PTPN3: variants seen among roughly 807,000 people sequenced by gnomAD.
PTPN3 encodes the protein tyrosine-protein phosphatase non-receptor type 3.
Under a neutral mutation model 132.7 loss-of-function variants are expected in PTPN3, and 96 were observed. That is an observed-to-expected ratio of 0.72 (90% CI 0.61 to 0.86). The LOEUF (loss-of-function observed/expected upper bound fraction) is 0.86, where lower values mean the gene tolerates loss of function less well. Ranked by LOEUF, PTPN3 falls within the 40% of genes least tolerant of loss-of-function variation. PTPN3 has a pLI of 0.00. For missense variants in PTPN3, 1,125 were observed against 1,159.6 expected (o/e 0.97, Z 0.43); for synonymous variants, 398 against 429.0 (o/e 0.93, Z 0.89).
intron 1 of PTPN3, among the ~76,000 whole-genome samples, chr9:109,492,393 C>T (rs1847502363): frequency 6.6e-6 from 1 of 152,212 alleles, no homozygotes; most frequent in Non-Finnish European, 1.5e-5. Context: ...CCCTTCAGTC[C>T]TGAGAACCGG....
intron 19 of PTPN3, 112 bp from the exon 20 acceptor site, chr9:109,391,673 G>T: frequency 1.2e-6 from 1 of 812,882 alleles, no homozygotes; most frequent in Non-Finnish European, 1.9e-6. Flanking sequence ...AAGTGATTAT[G>T]TGTTATATAC....
chr9:109,479,877 G>A (rs1046218434), intron 1 of PTPN3, among the ~76,000 whole-genome samples: 30 of 152,178 alleles, frequency 2.0e-4, no homozygotes, highest in African/African-American at 6.5e-4. Context: ...GCCCTATTAT[G>A]TACAGCTTTT....
chr9:109,405,280 G>A (rs1318758903), intron 18 of PTPN3, among the ~76,000 whole-genome samples: 1 of 152,176 alleles, frequency 6.6e-6, no homozygotes, highest in East Asian at 1.9e-4. Flanking sequence ...AAGGCCTCAC[G>A]GAGGAGGTGG....
intron 10 of PTPN3, 58 bp downstream of exon 10, chr9:109,433,015 T>C: frequency 6.3e-7 from 1 of 1,597,336 alleles, no homozygotes; most frequent in Non-Finnish European, 8.5e-7. Context: ...AACATTACTT[T>C]TGTTAGGCAT....
At chr9:109,480,630 CTA>C (rs1846912031) in intron 1 of PTPN3, among the ~76,000 whole-genome samples, 1 of 152,156 alleles carries the variant, frequency 6.6e-6, no homozygotes, top group African/African-American at 2.4e-5. Flanking sequence ...AGGTTTACCC[CTA>C]TGTTTTCTTC....
intron 1 of PTPN3, among the ~76,000 whole-genome samples, chr9:109,471,198 A>T (rs1846363799): frequency 6.6e-6 from 1 of 152,270 alleles, no homozygotes; most frequent in South Asian, 2.1e-4. Flanking sequence ...CTGGGGCTAC[A>T]GGCCTGTGCC....
At position 109,381,692 on chromosome 9, in the gene PTPN3, C is replaced by T. The variant is rs554596041; in HGVS notation, c.2624G>A (p.Arg875Gln). The T allele has an allele frequency of 5.2e-5, 84 of 1,614,174 alleles. No individual in the cohort carries two copies. Among genetic ancestry groups the T allele is most frequent in the African/African-American group, 5.1e-4 (38 of 75,054 alleles). The change falls in exon 25 of 26, where the codon CGA becomes CAA. Residue 875 changes from arginine (R) to glutamine (Q), a missense_variant. Physicochemically the swap from Arg to Gln is conservative, Grantham distance 43. Transcript: ENST00000374541. Reference protein sequence around the residue: ...NLPIYPLDIVRKMRDQRAMMV... With the variant: ...NLPIYPLDIVQKMRDQRAMMV... ...CATGGCGCGCTGGTCTCGCATTTTT[C>T]GGACAATATCCAGTGGGTAAATGGG...
chr9:109,470,176 G>A (rs117376320), intron 1 of PTPN3, among the ~76,000 whole-genome samples: 130 of 152,120 alleles, frequency 8.5e-4, no homozygotes, highest in Non-Finnish European at 1.6e-3. Flanking sequence ...TGCACTTCTC[G>A]TCAAATGCCA....
At chr9:109,403,829 G>A (rs897466403) in intron 19 of PTPN3, among the ~76,000 whole-genome samples, 2 of 152,200 alleles carry the variant, frequency 1.3e-5, no homozygotes, top group Non-Finnish European at 2.9e-5. Context: ...AAAAATGTCT[G>A]TGTGTACCTT....
At chr9:109,527,345 C>T in the PTPN3 span, among the ~76,000 whole-genome samples, 24 of 152,288 alleles carry the variant, frequency 1.6e-4, no homozygotes, top group Middle Eastern at 3.4e-3. Flanking sequence ...CCTGTAATCC[C>T]GGCTACTTGG....
At chr9:109,408,716 T>C (rs1363438728) in intron 16 of PTPN3, among the ~76,000 whole-genome samples, 7 of 150,496 alleles carry the variant, frequency 4.7e-5, no homozygotes, top group South Asian at 2.1e-4. Flanking sequence ...CTCCACAGCA[T>C]GTCTTCGAGT....
chr9:109,501,388 A>G (rs752881291), upstream of PTPN3, among the ~76,000 whole-genome samples: 28 of 152,316 alleles, frequency 1.8e-4, no homozygotes, highest in Non-Finnish European at 2.8e-4. Flanking sequence ...GTAGATTACC[A>G]TGTATTGATG....
intron 6 of PTPN3, among the ~76,000 whole-genome samples, chr9:109,446,163 G>A (rs866345550): frequency 6.6e-6 from 1 of 152,206 alleles, no homozygotes; most frequent in Non-Finnish European, 1.5e-5. Context: ...AGAAGGGCTT[G>A]AAGGGTGGGG....
Position 109,427,138 on chromosome 9 carries a change from G to A in PTPN3, c.829-16C>T. ...TGGATTCAGCCTGGGAGGAAAAACA[G>A]TCAAGATTTCACCCACACAGACATA... On this transcript the variant is annotated splice_polypyrimidine_tract_variant and intron_variant, in intron 11 of 25. Coordinates refer to ENST00000374541, the MANE Select transcript of PTPN3 (RefSeq NM_002829.4). 6.2e-7 allele frequency: 1 copy of A among 1,613,020 alleles called. No individual in the cohort carries two copies. The highest frequency in any genetic ancestry group is 2.2e-5 in the East Asian group (1 of 44,858).
chr9:109,399,227 C>A lies in PTPN3; in HGVS notation c.1953+5221G>T, dbSNP rs190185061. On this transcript the variant is annotated intron_variant, in intron 19 of 25. Coordinates refer to ENST00000374541, the MANE Select transcript of PTPN3 (RefSeq NM_002829.4). ...CCCAGGCTGGAGTACGGTGGTATGACCATGGCTCACTGAAGCCTCAACCTC... is the reference window on the plus strand; with the variant it reads ...CCCAGGCTGGAGTACGGTGGTATGAACATGGCTCACTGAAGCCTCAACCTC... Among the ~76,000 whole-genome samples, 5 of 152,280 alleles carry A rather than the reference C, an allele frequency of 3.3e-5. No individual in the cohort carries two copies. The East Asian group carries it at 9.7e-4, about 29-fold the overall frequency.
intron 1 of PTPN3, among the ~76,000 whole-genome samples, chr9:109,483,736 G>A (rs1317408461): frequency 6.6e-6 from 1 of 152,120 alleles, no homozygotes. Context: ...AACAGAACCC[G>A]ACAGACCCCA....
At chr9:109,464,993 C>T (rs2132053027) in intron 1 of PTPN3, among the ~76,000 whole-genome samples, 1 of 152,304 alleles carries the variant, frequency 6.6e-6, no homozygotes, top group East Asian at 1.9e-4. Context: ...GTGCTAATGA[C>T]ACTGGTGTAC....
At chr9:109,465,614 C>A (rs1846060792) in intron 1 of PTPN3, among the ~76,000 whole-genome samples, 1 of 141,192 alleles carries the variant, frequency 7.1e-6, no homozygotes, top group South Asian at 2.2e-4. Context: ...GAGGCTGAGG[C>A]AGGAGAATCA....
At chr9:109,474,250 GCTGTCCC>G (rs1846527989) in intron 1 of PTPN3, among the ~76,000 whole-genome samples, 1 of 152,150 alleles carries the variant, frequency 6.6e-6, no homozygotes, top group Admixed American at 6.5e-5. Context: ...CCCCAGACAA[GCTGTCCC>G]CACGACAGCC....
Sources: allele counts gnomAD v4.1 joint callset (sites outside exome capture counted in the v4.1 genomes callset), GRCh38; gene constraint gnomAD v4.1.1; transcripts MANE v1.5; gene names NCBI Gene and HGNC (gene_info 2026-07-23, HGNC 2026-07-21).